TMEM44: variants seen among roughly 807,000 people sequenced by gnomAD.
TMEM44 encodes transmembrane protein 44.
TMEM44 carries 43 observed loss-of-function variants against 47.8 expected under a neutral mutation model. The observed-to-expected ratio is 0.90, with a 90% confidence interval of 0.70 to 1.16. TMEM44 has a LOEUF of 1.16. TMEM44 is among the 50% of genes most tolerant of loss of function. The pLI is 0.00. For synonymous variants in TMEM44, 277 were observed against 238.8 expected (o/e 1.16, Z -1.48); for missense variants, 568 against 555.2 (o/e 1.02, Z -0.23).
At chr3:194,615,252 T>C (rs568706296) in intron 7 of TMEM44, among the ~76,000 whole-genome samples, 1 of 151,324 alleles carries the variant, frequency 6.6e-6, no homozygotes, top group Non-Finnish European at 1.5e-5. Flanking sequence ...AATCAATCAA[T>C]AGATTAAAAA....
At chr3:194,620,312 A>T (rs1436124844) in intron 5 of TMEM44, among the ~76,000 whole-genome samples, 6 of 150,482 alleles carry the variant, frequency 4.0e-5, no homozygotes, top group Middle Eastern at 3.4e-3. Flanking sequence ...AAAAAAAAAA[A>T]TACCAGGAAG....
chr3:194,602,739 G>C (rs1714294033), intron 9 of TMEM44, among the ~76,000 whole-genome samples: 2 of 152,350 alleles, frequency 1.3e-5, no homozygotes, highest in South Asian at 4.1e-4. Context: ...CCCGGTGAGG[G>C]GAGGGGGTGT....
intron 6 of TMEM44, among the ~76,000 whole-genome samples, chr3:194,616,084 C>A (rs1450450141): frequency 6.6e-6 from 1 of 151,888 alleles, no homozygotes; most frequent in Non-Finnish European, 1.5e-5. Flanking sequence ...CAGAGTCTCG[C>A]TCTGTCACCC....
intron 1 of TMEM44, among the ~76,000 whole-genome samples, chr3:194,631,786 G>A (rs918683328): frequency 5.9e-5 from 9 of 152,190 alleles, no homozygotes; most frequent in South Asian, 2.1e-4. Flanking sequence ...ACACCACTCC[G>A]AAGACACATT....
At chr3:194,598,436 TAA>T (rs11345614) in intron 9 of TMEM44, among the ~76,000 whole-genome samples, 1 of 151,884 alleles carries the variant, frequency 6.6e-6, no homozygotes, top group Non-Finnish European at 1.5e-5. Context: ...CAGTGGTTAA[TAA>T]AGAGAGGCTT....
chr3:194,631,046 G>C (rs1038943501), intron 1 of TMEM44, among the ~76,000 whole-genome samples: 1 of 150,432 alleles, frequency 6.6e-6, no homozygotes, highest in Admixed American at 6.6e-5. Context: ...CGGCATCACT[G>C]ATAGGGCCTC....
In TMEM44 at chr3:194,623,673, C is replaced by T. The variant is rs143204807; in HGVS notation, c.381G>A (p.Lys127=). Residue 127 remains lysine, a synonymous_variant, in exon 4 of 10, where the codon AAG becomes AAA. Transcript: ENST00000347147. ...SNSDREARER[K]RRRQLRASVF... is the part of the protein sequence containing the mutation. ...CACTGGCCCTGAGCTGCCGCCTCCT[C>T]TTCCTCTCTCGGGCTTCCCGATCTG... is the stretch of plus-strand genomic sequence containing the variant. 6.2e-6 allele frequency: 10 copies of T among 1,613,784 alleles called. No homozygotes were observed. The African/African-American group carries it at 1.2e-4, about 19-fold the overall frequency.
intron 9 of TMEM44, among the ~76,000 whole-genome samples, chr3:194,601,597 C>T (rs1714136908): frequency 6.6e-6 from 1 of 152,206 alleles, no homozygotes. Context: ...GCCACCCCGC[C>T]TGGCCATGCC....
rs1206573224 is a variant in TMEM44, at chr3:194,609,072, G to A, written c.1017+1844C>T. Among the ~76,000 whole-genome samples, 4 of 152,130 alleles carry A rather than the reference G, an allele frequency of 2.6e-5. No individual in the cohort carries two copies. In the East Asian group the frequency reaches 5.8e-4, roughly 22 times the overall value. ...TGTGGCCAGGGAAAGAGGAATTTTG[G>A]GCTTGAACCACTGCAAAGACAGTGC... On this transcript the variant is annotated intron_variant, in intron 8 of 9. Coordinates refer to ENST00000347147, the MANE Select transcript of TMEM44 (RefSeq NM_001011655.3).
At position 194,614,703 on chromosome 3, in the gene TMEM44, G is replaced by A. The variant is rs575136194; in HGVS notation, c.912+866C>T. ...ATTACAGGCATGAGCCACTGCACCC[G>A]GCCAAAAATCACATTATTTAAAAAT... On this transcript the variant is annotated intron_variant, in intron 7 of 9. Transcript: ENST00000347147. Among the ~76,000 whole-genome samples, 21 of 152,112 alleles carry A rather than the reference G, an allele frequency of 1.4e-4. 1 individual carries two copies. Among genetic ancestry groups the A allele is most frequent in the Admixed American group, 1.4e-3 (21 of 15,288 alleles).
At position 194,628,519 on chromosome 3, in the gene TMEM44, CAG is replaced by C. The variant is rs1444904788; in HGVS notation, c.138-12_138-11del. ...TCTCAGATAGAGAAGCCTGGGGTGA[CAG>C]GGGTGTGGACAGAACACAGCAACTG... On this transcript the variant is annotated splice_polypyrimidine_tract_variant and intron_variant, in intron 1 of 9. Coordinates refer to ENST00000347147, the MANE Select transcript of TMEM44 (RefSeq NM_001011655.3). The C allele has an allele frequency of 6.2e-7, 1 of 1,610,698 alleles. No individual in the cohort carries two copies.
In TMEM44 at chr3:194,625,889, A is replaced by G; in HGVS notation, c.358+8T>C. ...AATAAAGACAGGAAAAGACAGCCAC[A>G]CACTCACCTGAATTAGACTTGAATT... On this transcript the variant is annotated splice_region_variant and intron_variant, in intron 3 of 9. Coordinates refer to ENST00000347147, the MANE Select transcript of TMEM44 (RefSeq NM_001011655.3). 6.2e-7 allele frequency: 1 copy of G among 1,607,868 alleles called. No homozygotes were observed. Among genetic ancestry groups the G allele is most frequent in the Non-Finnish European group, 8.5e-7 (1 of 1,174,424 alleles).
chr3:194,623,015 G>A (rs1026539542), intron 5 of TMEM44: 3 of 477,568 alleles, frequency 6.3e-6, no homozygotes, highest in African/African-American at 2.1e-5. Context: ...GGCTCCCGCC[G>A]TCCTCAGGAC....
At chr3:194,626,984 C>T (rs866308197) in intron 2 of TMEM44, among the ~76,000 whole-genome samples, 6 of 148,980 alleles carry the variant, frequency 4.0e-5, no homozygotes, top group African/African-American at 7.4e-5. Flanking sequence ...TGCAGTGGCA[C>T]GATCTCGGCT....
At chr3:194,610,384 G>A (rs1715187026) in intron 8 of TMEM44, among the ~76,000 whole-genome samples, 1 of 152,024 alleles carries the variant, frequency 6.6e-6, no homozygotes, top group South Asian at 2.1e-4. Flanking sequence ...TTGAAAACCA[G>A]CAGAAGCAGA....
chr3:194,622,021 C>G (rs1397286011), intron 5 of TMEM44, among the ~76,000 whole-genome samples: 2 of 152,226 alleles, frequency 1.3e-5, no homozygotes, highest in East Asian at 3.8e-4. Context: ...TGATTCTTTT[C>G]AGACTAAATG....
chr3:194,612,206 TC>T (rs1262873592), intron 7 of TMEM44, among the ~76,000 whole-genome samples: 1 of 152,132 alleles, frequency 6.6e-6, no homozygotes, highest in Non-Finnish European at 1.5e-5. Context: ...TGCTAGAGAC[TC>T]CAGAGGCTTC....
chr3:194,588,842 G>T (rs1339590774), intron 9 of TMEM44, among the ~76,000 whole-genome samples: 1 of 152,024 alleles, frequency 6.6e-6, no homozygotes, highest in African/African-American at 2.4e-5. Context: ...AGCAACTAAT[G>T]AACAACCACC....
intron 9 of TMEM44, among the ~76,000 whole-genome samples, chr3:194,594,121 A>ATCTGTCTGTCTGTCTGTCTG (rs754572078): frequency 1.4e-5 from 1 of 70,472 alleles, no homozygotes; most frequent in Non-Finnish European, 3.0e-5. Flanking sequence ...CTAATTTTCT[A>ATCTGTCTGTCTGTCTGTCTG]TCTATCTATC....
Sources: allele counts gnomAD v4.1 joint callset (sites outside exome capture counted in the v4.1 genomes callset), GRCh38; gene constraint gnomAD v4.1.1; transcripts MANE v1.5; gene names NCBI Gene and HGNC (gene_info 2026-07-23, HGNC 2026-07-21).